The following ITPR2 variants were observed in gnomAD, a reference collection of about 807,000 sequenced individuals.
The protein encoded by ITPR2 is inositol 1,4,5-trisphosphate-gated calcium channel ITPR2.
Under a neutral mutation model 317.1 loss-of-function variants are expected in ITPR2, and 207 were observed. The ratio of observed to expected loss-of-function variants is 0.65; its 90% confidence interval spans 0.58 to 0.73. ITPR2 has a LOEUF of 0.73. Among genes scored for constraint, ITPR2 ranks in the 30% least tolerant of loss-of-function variants. The pLI is 0.00. For synonymous variants in ITPR2, 1,156 were observed against 1,149.1 expected, an observed-to-expected ratio of 1.01 and a Z score of -0.12; for missense variants, 2,613 against 3,284.0, an observed-to-expected ratio of 0.80 and a Z score of 4.99.
At chr12:26,366,750 T>TA (rs1259323182) in intron 55 of ITPR2, among the ~76,000 whole-genome samples, 1 of 152,208 alleles carries the variant, frequency 6.6e-6, no homozygotes, top group Non-Finnish European at 1.5e-5. Context: ...AAAGGATGCC[T>TA]ATTTGGTAGT....
intron 34 of ITPR2, among the ~76,000 whole-genome samples, chr12:26,565,515 T>C (rs1032480503): frequency 7.3e-6 from 1 of 137,026 alleles, no homozygotes; most frequent in Non-Finnish European, 1.7e-5. Context: ...GATAGATAGA[T>C]AGATAGATAG....
At chr12:26,768,563 AATAT>A (rs1326638816) in intron 2 of ITPR2, among the ~76,000 whole-genome samples, 2 of 81,112 alleles carry the variant, frequency 2.5e-5, no homozygotes, top group African/African-American at 7.2e-5. Flanking sequence ...GATGAATACA[AATAT>A]ATATAAAAAA....
intron 55 of ITPR2, among the ~76,000 whole-genome samples, chr12:26,375,675 C>A (rs1939315753): frequency 6.6e-6 from 1 of 152,312 alleles, no homozygotes; most frequent in East Asian, 1.9e-4. Context: ...ATTTCTCAGT[C>A]TATATAGTTT....
chr12:26,390,802 G>A (rs764301075), intron 54 of ITPR2, among the ~76,000 whole-genome samples: 1 of 151,962 alleles, frequency 6.6e-6, no homozygotes, highest in Non-Finnish European at 1.5e-5. Flanking sequence ...AAACAAAAGA[G>A]AGAAAAACAA....
At chr12:26,561,703 A>C in intron 35 of ITPR2, 59 bp downstream of exon 35, 1 of 1,287,518 alleles carries the variant, frequency 7.8e-7, no homozygotes, top group Non-Finnish European at 1.0e-6. Flanking sequence ...TTATGTGACT[A>C]CATATTTTTA....
chr12:26,519,638 A>G (rs936817822), intron 37 of ITPR2, among the ~76,000 whole-genome samples: 5 of 152,374 alleles, frequency 3.3e-5, no homozygotes, highest in Non-Finnish European at 5.9e-5. Flanking sequence ...AATATTTAAC[A>G]TGTGCTGGAT....
intron 55 of ITPR2, among the ~76,000 whole-genome samples, chr12:26,345,876 G>A (rs1339191928): frequency 1.3e-5 from 2 of 152,088 alleles, no homozygotes; most frequent in Non-Finnish European, 2.9e-5. Flanking sequence ...ATCTAACAAA[G>A]CAGTTTGATT....
At chr12:26,825,645 G>C (rs1161668139) in intron 1 of ITPR2, among the ~76,000 whole-genome samples, 1 of 152,184 alleles carries the variant, frequency 6.6e-6, no homozygotes, top group Non-Finnish European at 1.5e-5. Flanking sequence ...TCTTGAGGAG[G>C]GGTGGTTGTT....
chr12:26,786,933 T>C (rs573460510), intron 2 of ITPR2, among the ~76,000 whole-genome samples: 2 of 152,178 alleles, frequency 1.3e-5, no homozygotes, highest in Admixed American at 6.5e-5. Context: ...GAGGGTGCTC[T>C]GGAAACTTGG....
chr12:26,811,575 T>C (rs952695015), intron 1 of ITPR2, among the ~76,000 whole-genome samples: 2 of 150,928 alleles, frequency 1.3e-5, no homozygotes, highest in Admixed American at 1.3e-4. Flanking sequence ...TACTCCCAGC[T>C]ACTCGGGAGG....
At chr12:26,689,425 A>G (rs892186785) in intron 10 of ITPR2, among the ~76,000 whole-genome samples, 8 of 151,988 alleles carry the variant, frequency 5.3e-5, no homozygotes, top group African/African-American at 1.9e-4. Context: ...AAAAGATAAA[A>G]AGGAGAAAAG....
At chr12:26,788,146 T>C (rs1286568398) in intron 2 of ITPR2, among the ~76,000 whole-genome samples, 1 of 151,760 alleles carries the variant, frequency 6.6e-6, no homozygotes, top group African/African-American at 2.4e-5. Flanking sequence ...GGTCTCGAAC[T>C]CCCGACCTCA....
intron 46 of ITPR2, among the ~76,000 whole-genome samples, chr12:26,442,922 T>G (rs1941518974): frequency 6.6e-6 from 1 of 152,092 alleles, no homozygotes; most frequent in South Asian, 2.1e-4. Flanking sequence ...TGCCAGCCAG[T>G]GTCAAAATGA....
rs1947554437 is a variant in ITPR2 at position 26,663,696 on chromosome 12, G to A, written c.1702C>T (p.Arg568Trp). 1.9e-6 allele frequency: 3 copies of A among 1,609,168 alleles called. No homozygotes were observed. Among genetic ancestry groups the A allele is most frequent in the African/African-American group, 1.3e-5 (1 of 74,606 alleles). Reference sequence around the variant, plus strand: ...GGCTACCCTCTGACCTGATTTTTCCGGTAATCCTGCTGCGAGTGTCTCAGG... The same window carrying A: ...GGCTACCCTCTGACCTGATTTTTCCAGTAATCCTGCTGCGAGTGTCTCAGG... ...RVLRHSQQDY[R>W]KNQEYIAKNF... The change falls in exon 15 of 57, where the codon CGG (arginine) becomes TGG (tryptophan). Residue 568 changes from arginine to tryptophan, a missense_variant. Physicochemically the swap from Arg to Trp is moderately radical, Grantham distance 101 (BLOSUM62 -3). Around this residue, in one of 9 missense-constraint regions of ITPR2, gnomAD observed 515 missense variants for 789.4 expected, o/e 0.65. Coordinates refer to ENST00000381340, the MANE Select transcript of ITPR2 (RefSeq NM_002223.4).
At chr12:26,551,537 C>T (rs1944525116) in intron 36 of ITPR2, among the ~76,000 whole-genome samples, 1 of 152,198 alleles carries the variant, frequency 6.6e-6, no homozygotes, top group South Asian at 2.1e-4. Context: ...GCAGAGTCCC[C>T]ACACATGCTA....
chr12:26,558,508 A>G (rs1029097679), intron 35 of ITPR2, among the ~76,000 whole-genome samples: 6 of 152,166 alleles, frequency 3.9e-5, no homozygotes, highest in African/African-American at 9.7e-5. Flanking sequence ...TCATCACCCA[A>G]ACTCAGTGGT....
At chr12:26,762,700 G>A (rs560157135) in intron 2 of ITPR2, among the ~76,000 whole-genome samples, 9 of 152,114 alleles carry the variant, frequency 5.9e-5, no homozygotes, top group East Asian at 1.9e-4. Flanking sequence ...TGGATAAATC[G>A]CTTTTAATTC....
intron 11 of ITPR2, among the ~76,000 whole-genome samples, 153 bp downstream of exon 11, chr12:26,686,328 C>A (rs1948122745): frequency 6.6e-6 from 1 of 151,958 alleles, no homozygotes; most frequent in African/African-American, 2.4e-5. Flanking sequence ...CTATGTTAAC[C>A]TCCTCACAGA....
intron 1 of ITPR2, among the ~76,000 whole-genome samples, chr12:26,815,205 C>A (rs1178335594): frequency 1.3e-5 from 2 of 152,092 alleles, no homozygotes; most frequent in Non-Finnish European, 2.9e-5. Context: ...ATGGTGCACG[C>A]CTCTAGTCCC....
Sources: allele counts gnomAD v4.1 joint callset (sites outside exome capture counted in the v4.1 genomes callset), GRCh38; gene constraint gnomAD v4.1.1; regional missense constraint gnomAD v4.1.1; transcripts MANE v1.5; gene names NCBI Gene and HGNC (gene_info 2026-07-23, HGNC 2026-07-21).